SYBU: variants seen among roughly 807,000 people sequenced by gnomAD.
The protein encoded by SYBU is GOLSYN A protein.
In SYBU, 21 loss-of-function variants were observed where a neutral mutation model predicts 35.9. The observed-to-expected ratio is 0.58, with a 90% confidence interval of 0.41 to 0.84. The LOEUF (loss-of-function observed/expected upper bound fraction) is 0.84. Among genes scored for constraint, SYBU ranks in the 40% least tolerant of loss-of-function variants. The probability of loss-of-function intolerance (pLI) is 0.00; values close to 1 mark genes in which losing one functional copy is unlikely to be tolerated. For synonymous variants in SYBU, 319 were observed against 324.3 expected (o/e 0.98, Z 0.18); for missense variants, 768 against 848.2 (o/e 0.91, Z 1.17).
chr8:109,689,627 A>G (rs536297740), intron 1 of SYBU, among the ~76,000 whole-genome samples: 1 of 152,232 alleles, frequency 6.6e-6, no homozygotes, highest in Admixed American at 6.5e-5. Context: ...CCACCATGCC[A>G]GGCCTGTCAT....
At chr8:109,643,017 C>A (rs1320981718) in intron 1 of SYBU, 85 bp from the exon 2 acceptor site, 8 of 1,453,460 alleles carry the variant, frequency 5.5e-6, no homozygotes, top group Non-Finnish European at 7.3e-6. Context: ...GGATCAATTT[C>A]TAAGAAATCA....
chr8:109,611,463 C>T (rs1031396555), intron 3 of SYBU, among the ~76,000 whole-genome samples: 1 of 152,112 alleles, frequency 6.6e-6, no homozygotes, highest in Non-Finnish European at 1.5e-5. Context: ...GTCCACTTAT[C>T]ACATTTAAGC....
chr8:109,601,861 A>T (rs917168121), intron 3 of SYBU, among the ~76,000 whole-genome samples: 3 of 152,168 alleles, frequency 2.0e-5, no homozygotes, highest in Admixed American at 6.5e-5. Flanking sequence ...AAAATGTAAA[A>T]ATTATGCTAT....
In SYBU at chr8:109,575,013, G is replaced by C. The variant is rs1822050049; in HGVS notation, c.1885C>G (p.Gln629Glu). The C allele has an allele frequency of 1.3e-6, 2 of 1,595,240 alleles. No individual in the cohort carries two copies. Among genetic ancestry groups the C allele is most frequent in the Non-Finnish European group, 1.7e-6 (2 of 1,169,408 alleles). The change falls in exon 7 of 7, where the codon CAG becomes GAG. Residue 629 changes from glutamine to glutamate, a missense_variant. Gln to Glu is a conservative substitution (Grantham distance 29). Coordinates refer to ENST00000276646, the MANE Select transcript of SYBU (RefSeq NM_001099754.2). Reference protein sequence around the residue: ...VPTVLWAFSTQRGGTDPVYNI... With the variant: ...VPTVLWAFSTERGGTDPVYNI... Reference sequence around the variant, plus strand: ...TACACAGGATCCGTTCCCCCTCTCTGAGTACTGAATGCCCACAGAACCGTG... The same window carrying C: ...TACACAGGATCCGTTCCCCCTCTCTCAGTACTGAATGCCCACAGAACCGTG...
intron 1 of SYBU, among the ~76,000 whole-genome samples, chr8:109,673,618 C>T (rs1817071108): frequency 6.6e-6 from 1 of 152,150 alleles, no homozygotes; most frequent in African/African-American, 2.4e-5. Context: ...ACCAGATTGC[C>T]TTTTCTTCTC....
At chr8:109,679,353 T>C (rs1009739714) in intron 1 of SYBU, among the ~76,000 whole-genome samples, 1 of 152,252 alleles carries the variant, frequency 6.6e-6, no homozygotes, top group Admixed American at 6.5e-5. Flanking sequence ...CTGCTCTGCC[T>C]ATGGAGTAGC....
chr8:109,627,169 C>A (rs1813080368), intron 2 of SYBU, among the ~76,000 whole-genome samples: 1 of 152,050 alleles, frequency 6.6e-6, no homozygotes, highest in Non-Finnish European at 1.5e-5. Flanking sequence ...GAAGTTATTG[C>A]TAGTTTAAAG....
chr8:109,587,072 C>T (rs1299586279), intron 3 of SYBU, among the ~76,000 whole-genome samples: 2 of 152,054 alleles, frequency 1.3e-5, no homozygotes, highest in Non-Finnish European at 2.9e-5. Flanking sequence ...TTTTTAAAAA[C>T]GTGAAGTACC....
At chr8:109,586,682 A>G (rs1823658298) in intron 3 of SYBU, among the ~76,000 whole-genome samples, 1 of 152,236 alleles carries the variant, frequency 6.6e-6, no homozygotes, top group African/African-American at 2.4e-5. Context: ...AGACTGCTGC[A>G]CTGGCACTAT....
chr8:109,592,198 T>C (rs902911120), intron 3 of SYBU, among the ~76,000 whole-genome samples: 1 of 152,178 alleles, frequency 6.6e-6, no homozygotes, highest in Non-Finnish European at 1.5e-5. Flanking sequence ...AAAAGACCTA[T>C]AATAGGAAAT....
upstream of SYBU, among the ~76,000 whole-genome samples, chr8:109,648,303 A>T (rs1482136523): frequency 1.4e-5 from 2 of 145,056 alleles, no homozygotes; most frequent in East Asian, 3.9e-4. Flanking sequence ...CTGGCAAAGC[A>T]CAGGAGAGAT....
chr8:109,642,920 C>T lies in SYBU; in HGVS notation c.37G>A (p.Val13Met). ...GAAATCTCCTTGTCATGATGCTGCA[C>T]TCTGTGCTCCTTCTCAAAATTGGAC... ...PLRESKKEHR[V>M]QHHDKEISRS... Residue 13 changes from valine to methionine, a missense_variant, in exon 2 of 7, where the codon GTG becomes ATG. Physicochemically the swap from Val to Met is conservative, Grantham distance 21. Transcript: ENST00000276646. 1 of 1,507,820 alleles carries T rather than the reference C, an allele frequency of 6.6e-7. No individual in the cohort carries two copies. Among genetic ancestry groups the T allele is most frequent in the African/African-American group, 1.4e-5 (1 of 70,698 alleles). 93.4% of individuals were successfully genotyped at this position (1,507,820 alleles called of 1,614,324 possible).
chr8:109,640,081 T>C (rs114629021), intron 2 of SYBU, among the ~76,000 whole-genome samples: 2,157 of 152,294 alleles, frequency 0.014, 52 homozygotes, highest in African/African-American at 0.049. Context: ...AAATCCTATC[T>C]GCAGGCAGGG....
intron 3 of SYBU, among the ~76,000 whole-genome samples, chr8:109,588,211 A>T (rs771598779): frequency 2.6e-5 from 4 of 152,240 alleles, no homozygotes; most frequent in Non-Finnish European, 5.9e-5. Context: ...CATCGATTAT[A>T]ATTGAACTGC....
chr8:109,661,304 A>T (rs563706088), intron 1 of SYBU, among the ~76,000 whole-genome samples: 1 of 152,358 alleles, frequency 6.6e-6, no homozygotes, highest in South Asian at 2.1e-4. Context: ...ACTATTGGAC[A>T]TGTAAAAGAA....
intron 2 of SYBU, among the ~76,000 whole-genome samples, chr8:109,641,944 C>T (rs1814927365): frequency 6.6e-6 from 1 of 152,156 alleles, no homozygotes; most frequent in Admixed American, 6.5e-5. Context: ...CCTAGCAATC[C>T]CATTACTGGG....
At position 109,575,943 on chromosome 8, in the gene SYBU, G is replaced by GAC; in HGVS notation, c.953_954dup (p.His319ValfsTer4). On this transcript the variant is annotated frameshift_variant, in exon 7 of 7. Transcript: ENST00000276646. LOFTEE classifies it low-confidence loss of function (END_TRUNC). ...AGTGCCAACTGGGCCTCTACCCGGT[G>GAC]ACACTCCTCCTCAATCCAGTCCTCT... is the stretch of plus-strand genomic sequence containing the variant. 6.2e-7 allele frequency: 1 copy of GAC among 1,611,576 alleles called. No homozygotes were observed. The highest frequency in any genetic ancestry group is 8.5e-7 in the Non-Finnish European group (1 of 1,179,682).
chr8:109,684,943 C>A (rs182982510), upstream of SYBU, among the ~76,000 whole-genome samples: 1 of 152,260 alleles, frequency 6.6e-6, no homozygotes, highest in African/African-American at 2.4e-5. Context: ...AACAGATCTT[C>A]CATAAACAGA....
rs58806541 is a variant in SYBU at position 109,581,782 on chromosome 8, A to G, written c.531-1780T>C. 9.3e-3 allele frequency among the ~76,000 whole-genome samples: 1,410 copies of G among 152,356 alleles called. 37 individuals carry two copies. The highest frequency in any genetic ancestry group is 0.032 in the African/African-American group (1,351 of 41,580). ...CATGATCACTTATTTACAATCAAAT[A>G]TAATTTCAACTGGCTGTCAACCTTG... On this transcript the variant is annotated intron_variant, in intron 4 of 6. Coordinates refer to ENST00000276646, the MANE Select transcript of SYBU (RefSeq NM_001099754.2).
Sources: gnomAD v4.1 joint callset for allele counts (sites outside exome capture counted in the v4.1 genomes callset) on GRCh38, gnomAD v4.1.1 for gene constraint, MANE v1.5 for transcripts, NCBI Gene and HGNC (gene_info 2026-07-23, HGNC 2026-07-21) for gene names.